The following DMRT1 variants were observed in gnomAD, a reference collection of about 807,000 sequenced individuals.
The protein encoded by DMRT1 is doublesex- and mab-3-related transcription factor 1.
DMRT1 carries 7 observed loss-of-function variants against 32.3 expected under a neutral mutation model. The observed-to-expected ratio is 0.22, with a 90% CI of 0.12 to 0.41. DMRT1 has a LOEUF of 0.41. Among genes scored for constraint, DMRT1 ranks in the 10% least tolerant of loss-of-function variants. The probability of loss-of-function intolerance (pLI) is 1.00; values close to 1 mark genes in which losing one functional copy is unlikely to be tolerated. For missense variants in DMRT1, 625 were observed against 500.5 expected (o/e 1.25, Z -2.37); for synonymous variants, 278 against 206.1 (o/e 1.35, Z -2.99).
At chr9:930,409 TA>T (rs199871406) in intron 4 of DMRT1, among the ~76,000 whole-genome samples, 2 of 151,560 alleles carry the variant, frequency 1.3e-5, no homozygotes, top group Admixed American at 6.6e-5. Context: ...TTTTTTTTAT[TA>T]AAAAAATTTT....
chr9:858,875 A>G (rs1322072449), intron 2 of DMRT1, among the ~76,000 whole-genome samples: 1 of 46,270 alleles, frequency 2.2e-5, no homozygotes, highest in African/African-American at 1.0e-4. Flanking sequence ...AAAAAAATAT[A>G]TATATATATA....
chr9:914,220 T>C (rs1188931775), intron 3 of DMRT1, among the ~76,000 whole-genome samples: 1 of 152,128 alleles, frequency 6.6e-6, no homozygotes, highest in Non-Finnish European at 1.5e-5. Flanking sequence ...TTATTAGGGG[T>C]AGCCAGTTTT....
intron 2 of DMRT1, among the ~76,000 whole-genome samples, chr9:859,569 C>G (rs11788433): frequency 0.31 from 47,626 of 151,850 alleles, 8,224 homozygotes; most frequent in African/African-American, 0.47. Context: ...CTTTCCAAAT[C>G]ACAAAAAAAT....
Position 965,969 on chromosome 9 carries a change from T to C in DMRT1, c.968-2016T>C, listed in dbSNP as rs1484332921. On this transcript the variant is annotated intron_variant, in intron 4 of 4. Transcript: ENST00000382276. The surrounding 1 kb of genome is among the most constrained non-coding windows in gnomAD (Gnocchi z 4.5). ...ACAGGTAGTAGTCAGTAATGTTTAC[T>C]GTTCTTCTCCATAGCTTCTATACAG... Among the ~76,000 whole-genome samples, 3 of 152,332 alleles carry C rather than the reference T, an allele frequency of 2.0e-5. No individual in the cohort carries two copies. The highest frequency in any genetic ancestry group is 2.1e-4 in the South Asian group (1 of 4,824).
intron 4 of DMRT1, among the ~76,000 whole-genome samples, chr9:919,611 A>T (rs181872635): frequency 1.4e-4 from 21 of 152,292 alleles, no homozygotes; most frequent in African/African-American, 4.6e-4. Context: ...TTAGGCTTTT[A>T]TTTCAAGTGA....
intron 4 of DMRT1, among the ~76,000 whole-genome samples, chr9:955,999 T>C (rs972647130): frequency 2.6e-5 from 4 of 152,228 alleles, no homozygotes; most frequent in African/African-American, 9.6e-5. Context: ...ATATCAGCGT[T>C]ATTCAAAGGT....
At chr9:947,340 A>G (rs577426767) in intron 4 of DMRT1, among the ~76,000 whole-genome samples, 99 of 152,300 alleles carry the variant, frequency 6.5e-4, no homozygotes, top group African/African-American at 2.2e-3. Context: ...TATTCTTCCA[A>G]TGTGGCCCAG....
chr9:871,343 T>G (rs962508588), intron 2 of DMRT1, among the ~76,000 whole-genome samples: 2 of 149,872 alleles, frequency 1.3e-5, no homozygotes, highest in African/African-American at 2.5e-5. Flanking sequence ...GAACTCTTTT[T>G]TTTTTTTGAG....
intron 4 of DMRT1, among the ~76,000 whole-genome samples, chr9:938,524 A>G (rs959758188): frequency 1.3e-5 from 2 of 152,118 alleles, no homozygotes; most frequent in Non-Finnish European, 2.9e-5. Flanking sequence ...ATTATTTTTG[A>G]TGGTATTGTA....
rs764278494 is a variant in DMRT1, at chr9:846,948, G to A, written c.355-12G>A. On this transcript the variant is annotated splice_polypyrimidine_tract_variant and intron_variant, in intron 1 of 4. Coordinates refer to ENST00000382276, the MANE Select transcript of DMRT1 (RefSeq NM_021951.3). ...GAGTGCTGGAGGATGACTCATTGTC[G>A]TGTGCTTCCAGGTGGCCCTGAGAAG... 11 of 1,614,054 alleles carry A rather than the reference G, an allele frequency of 6.8e-6. No homozygotes were observed. The highest frequency in any genetic ancestry group is 2.2e-5 in the South Asian group (2 of 91,082).
At chr9:908,975 C>T (rs1817878470) in intron 3 of DMRT1, among the ~76,000 whole-genome samples, 1 of 152,128 alleles carries the variant, frequency 6.6e-6, no homozygotes, top group Admixed American at 6.5e-5. Context: ...CCCCTCACCC[C>T]ACACACGTTG....
At chr9:925,506 A>T (rs778799035) in intron 4 of DMRT1, among the ~76,000 whole-genome samples, 8 of 152,196 alleles carry the variant, frequency 5.3e-5, no homozygotes, top group Non-Finnish European at 1.0e-4. Flanking sequence ...CTTAACAGAG[A>T]GGATGGGTGT....
Position 969,004 on chromosome 9 carries a change from C to T in DMRT1, c.*865C>T, listed in dbSNP as rs534434280. ...GAGTACTTTGTTATATAACAGAAGC[C>T]ATCCTGAAATGAAACTAGTCTAAAA... On this transcript the variant is annotated 3_prime_UTR_variant, in exon 5 of 5. Coordinates refer to ENST00000382276, the MANE Select transcript of DMRT1 (RefSeq NM_021951.3). 48 of 152,688 alleles carry T rather than the reference C, an allele frequency of 3.1e-4. No homozygotes were observed. Among genetic ancestry groups the T allele is most frequent in the African/African-American group, 1.1e-3 (45 of 41,550 alleles). 9.5% of individuals were successfully genotyped at this position (152,688 alleles called of 1,614,324 possible). A position where few individuals can be genotyped will look rare whatever the true frequency, so the allele number is the denominator to read the frequency against.
chr9:961,152 C>T (rs1393903590), intron 4 of DMRT1, among the ~76,000 whole-genome samples: 2 of 152,132 alleles, frequency 1.3e-5, no homozygotes, highest in African/African-American at 4.8e-5. Context: ...CACACCTGAC[C>T]CCTCTACTCT....
At chr9:958,157 T>C (rs1819659222) in intron 4 of DMRT1, among the ~76,000 whole-genome samples, 1 of 152,228 alleles carries the variant, frequency 6.6e-6, no homozygotes. Flanking sequence ...ATGTTCACCC[T>C]AAATAGTATT....
At chr9:952,554 T>A (rs903028875) in intron 4 of DMRT1, among the ~76,000 whole-genome samples, 4 of 152,292 alleles carry the variant, frequency 2.6e-5, no homozygotes, top group Admixed American at 1.3e-4. Context: ...TTGGTCAGTT[T>A]TGAGATGAGC....
intron 2 of DMRT1, among the ~76,000 whole-genome samples, chr9:866,532 C>G (rs1815997738): frequency 6.8e-6 from 1 of 147,406 alleles, no homozygotes; most frequent in Non-Finnish European, 1.5e-5. Context: ...AAAACACTCT[C>G]AAAACTTGTG....
intron 3 of DMRT1, among the ~76,000 whole-genome samples, chr9:912,453 A>G (rs1335991206): frequency 3.3e-5 from 5 of 152,210 alleles, no homozygotes; most frequent in African/African-American, 4.8e-5. Flanking sequence ...TGAATGTTTG[A>G]ATATAAATAA....
chr9:861,651 G>C (rs1210828497), intron 2 of DMRT1, among the ~76,000 whole-genome samples: 2 of 151,088 alleles, frequency 1.3e-5, no homozygotes, highest in Non-Finnish European at 3.0e-5. Flanking sequence ...CCGGGCAGAG[G>C]GGCTCCTCAC....
Sources: gnomAD v4.1 joint callset for allele counts (sites outside exome capture counted in the v4.1 genomes callset) on GRCh38, gnomAD v4.1.1 for gene constraint, Gnocchi (gnomAD v3.1) non-coding constraint, MANE v1.5 for transcripts, NCBI Gene and HGNC (gene_info 2026-07-23, HGNC 2026-07-21) for gene names.